The following CAMKMT variants were observed in gnomAD, a reference collection of about 807,000 sequenced individuals.
CAMKMT encodes the protein calmodulin-lysine N-methyltransferase, also known as CaM KMT.
CAMKMT carries 53 observed loss-of-function variants against 48.0 expected under a neutral mutation model. The ratio of observed to expected loss-of-function variants is 1.10; its 90% CI spans 0.89 to 1.39. The LOEUF (loss-of-function observed/expected upper bound fraction) is 1.39, where lower values mean the gene tolerates loss of function less well. CAMKMT is among the 40% of genes most tolerant of loss of function. The pLI, the probability that CAMKMT is intolerant of heterozygous loss-of-function variation, is 0.00. For synonymous variants in CAMKMT, 165 were observed against 152.3 expected (o/e 1.08, Z -0.61); for missense variants, 428 against 402.7 (o/e 1.06, Z -0.54).
intron 3 of CAMKMT, among the ~76,000 whole-genome samples, chr2:44,546,647 G>A (rs577168358): frequency 2.0e-5 from 3 of 152,274 alleles, no homozygotes; most frequent in South Asian, 2.1e-4. Flanking sequence ...AAAAGGCTGC[G>A]TTGCCCCTGG....
At chr2:44,757,161 T>C (rs1356169545) in intron 9 of CAMKMT, among the ~76,000 whole-genome samples, 1 of 152,212 alleles carries the variant, frequency 6.6e-6, no homozygotes, top group African/African-American at 2.4e-5. Flanking sequence ...GTAGAACTTA[T>C]CAAGGTTAAT....
At chr2:44,713,697 C>G (rs1412541343) in intron 6 of CAMKMT, among the ~76,000 whole-genome samples, 2 of 152,138 alleles carry the variant, frequency 1.3e-5, no homozygotes, top group Non-Finnish European at 2.9e-5. Context: ...CAAAGCCCTT[C>G]ATTAGCAGAC....
chr2:44,431,972 C>T (rs1387941247), intron 3 of CAMKMT, among the ~76,000 whole-genome samples: 2 of 152,128 alleles, frequency 1.3e-5, no homozygotes, highest in African/African-American at 4.8e-5. Flanking sequence ...CAGCTCCTAC[C>T]AGCTCAGGTA....
At chr2:44,725,387 A>T (rs1019453980) in intron 7 of CAMKMT, among the ~76,000 whole-genome samples, 1 of 152,126 alleles carries the variant, frequency 6.6e-6, no homozygotes, top group African/African-American at 2.4e-5. Flanking sequence ...TGGGCTTTTT[A>T]TGGGTTATAA....
intron 3 of CAMKMT, among the ~76,000 whole-genome samples, chr2:44,698,298 T>A (rs955981341): frequency 6.6e-6 from 1 of 152,204 alleles, no homozygotes; most frequent in African/African-American, 2.4e-5. Flanking sequence ...CCACACTCCA[T>A]CTTTATGAAT....
intron 3 of CAMKMT, among the ~76,000 whole-genome samples, chr2:44,525,753 G>C (rs1671370804): frequency 6.6e-6 from 1 of 152,128 alleles, no homozygotes; most frequent in Non-Finnish European, 1.5e-5. Context: ...TTTGTATGAG[G>C]TCAACAGCTA....
At chr2:44,489,243 ATT>A (rs11389463) in intron 3 of CAMKMT, among the ~76,000 whole-genome samples, 51,815 of 106,494 alleles carry the variant, frequency 0.49, 10,088 homozygotes, top group Middle Eastern at 0.61. Flanking sequence ...ATGGAATACT[ATT>A]TTTTTTTTTT....
intron 3 of CAMKMT, among the ~76,000 whole-genome samples, chr2:44,625,735 C>T (rs1672445998): frequency 6.6e-6 from 1 of 152,010 alleles, no homozygotes; most frequent in South Asian, 2.1e-4. Flanking sequence ...GTACCGATAT[C>T]CAGTTGTTCT....
intron 3 of CAMKMT, among the ~76,000 whole-genome samples, chr2:44,634,236 G>A (rs1355466281): frequency 1.3e-5 from 2 of 151,748 alleles, no homozygotes; most frequent in African/African-American, 4.8e-5. Flanking sequence ...CTGGTATTGT[G>A]CCCTGAAAAT....
chr2:44,409,278 T>C (rs1254806584), intron 3 of CAMKMT, among the ~76,000 whole-genome samples: 1 of 151,804 alleles, frequency 6.6e-6, no homozygotes, highest in African/African-American at 2.4e-5. Context: ...ATGTATTATC[T>C]TAATAGTTAG....
At chr2:44,614,048 T>C (rs1266337834) in intron 3 of CAMKMT, among the ~76,000 whole-genome samples, 2 of 152,230 alleles carry the variant, frequency 1.3e-5, no homozygotes, top group Non-Finnish European at 2.9e-5. Context: ...CTATACATAA[T>C]TTGTTTCCAG....
chr2:44,556,195 G>T (rs1667994898), intron 3 of CAMKMT, among the ~76,000 whole-genome samples: 1 of 152,016 alleles, frequency 6.6e-6, no homozygotes, highest in African/African-American at 2.4e-5. Context: ...CTGGAGTGCA[G>T]TGGCGCCATC....
intron 7 of CAMKMT, among the ~76,000 whole-genome samples, chr2:44,729,983 A>C (rs931442448): frequency 2.0e-5 from 3 of 152,114 alleles, no homozygotes; most frequent in African/African-American, 7.2e-5. Flanking sequence ...ACCACTAGGG[A>C]AGAGGAAGGG....
chr2:44,677,309 C>T (rs1386431722), intron 3 of CAMKMT, among the ~76,000 whole-genome samples: 1 of 152,196 alleles, frequency 6.6e-6, no homozygotes, highest in Admixed American at 6.5e-5. Flanking sequence ...CCAAACATCT[C>T]TTCCCTGTCC....
At chr2:44,739,540 C>G (rs552475359) in intron 7 of CAMKMT, among the ~76,000 whole-genome samples, 2 of 152,222 alleles carry the variant, frequency 1.3e-5, no homozygotes, top group South Asian at 4.1e-4. Flanking sequence ...AGTAGATACC[C>G]AAGTGGAAAT....
Position 44,740,148 on chromosome 2 carries a change from G to A in CAMKMT, c.624-3474G>A, listed in dbSNP as rs1403960622. 2.7e-4 allele frequency among the ~76,000 whole-genome samples: 34 copies of A among 125,416 alleles called. No homozygotes were observed. In the Admixed American group the frequency reaches 2.8e-3, roughly 10 times the overall value. 82.3% of individuals were successfully genotyped at this position (125,416 alleles called of 152,430 possible). ...CATTTTTTTTTTTTTTTTTTTTTGA[G>A]AAAGGGTCTCATTTTTGTCACCCAG... On this transcript the variant is annotated intron_variant, in intron 7 of 10. Coordinates refer to ENST00000378494, the MANE Select transcript of CAMKMT (RefSeq NM_024766.5).
chr2:44,590,633 A>T (rs1348508075), intron 3 of CAMKMT, among the ~76,000 whole-genome samples: 2 of 151,938 alleles, frequency 1.3e-5, no homozygotes, highest in South Asian at 2.1e-4. Context: ...ATTTGAGTTC[A>T]TTGTATATTC....
intron 3 of CAMKMT, among the ~76,000 whole-genome samples, chr2:44,634,970 A>G (rs994042489): frequency 6.6e-6 from 1 of 152,126 alleles, no homozygotes; most frequent in Non-Finnish European, 1.5e-5. Flanking sequence ...GTGCTTTGGG[A>G]GGCCAAGGTG....
intron 3 of CAMKMT, among the ~76,000 whole-genome samples, chr2:44,473,756 C>G (rs1668541258): frequency 6.6e-6 from 1 of 152,170 alleles, no homozygotes; most frequent in Admixed American, 6.5e-5. Context: ...ACCCAATTGA[C>G]AAAAGTTAAA....
Sources: gnomAD v4.1 joint callset for allele counts (sites outside exome capture counted in the v4.1 genomes callset) on GRCh38, gnomAD v4.1.1 for gene constraint, MANE v1.5 for transcripts, NCBI Gene and HGNC (gene_info 2026-07-23, HGNC 2026-07-21) for gene names.